The following NAALADL2 variants were observed in gnomAD, a reference collection of about 807,000 sequenced individuals.
NAALADL2 encodes the protein N-acetylated alpha-linked acidic dipeptidase like 2, also known as inactive N-acetylated-alpha-linked acidic dipeptidase-like protein 2.
NAALADL2 carries 76 observed loss-of-function variants against 87.2 expected under a neutral mutation model. The ratio of observed to expected loss-of-function variants is 0.87; its 90% CI spans 0.72 to 1.05. The LOEUF is 1.05. Among genes scored for constraint, NAALADL2 ranks in the 50% least tolerant of loss-of-function variants. The probability of loss-of-function intolerance (pLI) is 0.00; values close to 1 mark genes in which losing one functional copy is unlikely to be tolerated. For synonymous variants in NAALADL2, 354 were observed against 331.0 expected (o/e 1.07, Z -0.75); for missense variants, 1,089 against 945.8 (o/e 1.15, Z -1.99).
chr3:175,311,037 A>G (rs938646983), intron 4 of NAALADL2, among the ~76,000 whole-genome samples: 19 of 152,182 alleles, frequency 1.2e-4, no homozygotes, highest in African/African-American at 4.6e-4. Flanking sequence ...ATCACCTTAG[A>G]AAACTTATTA....
chr3:175,026,515 C>T (rs1477930943), intron 1 of NAALADL2, among the ~76,000 whole-genome samples: 3 of 147,978 alleles, frequency 2.0e-5, no homozygotes, highest in East Asian at 2.0e-4. Flanking sequence ...ATTAGCCATA[C>T]GTGGTGGCGC....
chr3:175,094,670 A>G (rs1277350260), intron 1 of NAALADL2, among the ~76,000 whole-genome samples: 1 of 151,802 alleles, frequency 6.6e-6, no homozygotes, highest in Non-Finnish European at 1.5e-5. Context: ...ATGTAGAGCC[A>G]TGAGAATATT....
intron 2 of NAALADL2, among the ~76,000 whole-genome samples, chr3:174,630,146 A>C (rs1490476486): frequency 2.0e-5 from 3 of 152,102 alleles, no homozygotes; most frequent in Non-Finnish European, 4.4e-5. Flanking sequence ...AAATATAATA[A>C]TTTTTCATTT....
Position 174,972,668 on chromosome 3 carries a change from T to TTCAA in NAALADL2, c.43+113221_43+113224dup, listed in dbSNP as rs201280057. ...CATGTAAATTTCGATGGGGACCTAG[T>TTCAA]TCAATCTATAACAAAGGGTTTTGGT... On this transcript the variant is annotated intron_variant, in intron 1 of 13. Transcript: ENST00000454872. 2.0e-4 allele frequency among the ~76,000 whole-genome samples: 31 copies of TTCAA among 152,206 alleles called. No individual in the cohort carries two copies. In the East Asian group the frequency reaches 4.6e-3, roughly 23 times the overall value.
intron 2 of NAALADL2, among the ~76,000 whole-genome samples, chr3:175,111,539 C>A (rs967962609): frequency 1.3e-5 from 2 of 151,668 alleles, no homozygotes; most frequent in Non-Finnish European, 3.0e-5. Flanking sequence ...AACTTACGAT[C>A]TTTTTCAGAT....
rs766563353 is a variant in NAALADL2, at chr3:175,096,861, G to C, written c.115G>C (p.Asp39His). 21 of 1,612,220 alleles carry C rather than the reference G, an allele frequency of 1.3e-5. No homozygotes were observed. Among genetic ancestry groups the C allele is most frequent in the Non-Finnish European group, 1.7e-5 (20 of 1,179,174 alleles). The change falls in exon 2 of 14, where the codon GAT becomes CAT. Residue 39 changes from aspartate to histidine, a missense_variant. Asp to His is a moderately conservative substitution (Grantham distance 81, BLOSUM62 -1). Coordinates refer to ENST00000454872, the MANE Select transcript of NAALADL2 (RefSeq NM_207015.3). ...APGHSQYLDN[D>H]DLQATALDLE... ...AGGACACTCACAGTACTTAGACAAT[G>C]ATGACCTTCAAGCCACTGCCCTTGA...
intron 9 of NAALADL2, among the ~76,000 whole-genome samples, chr3:175,564,544 CTAAGAGAAGCTATT>C (rs1219843653): frequency 6.6e-6 from 1 of 151,974 alleles, no homozygotes; most frequent in African/African-American, 2.4e-5. Context: ...GCCTGTGAGC[CTAAGAGAAGCTATT>C]TAAGATAAAC....
intron 1 of NAALADL2, among the ~76,000 whole-genome samples, chr3:175,008,689 T>C (rs973383020): frequency 1.3e-5 from 2 of 152,164 alleles, no homozygotes; most frequent in Non-Finnish European, 2.9e-5. Context: ...TTGACCTTCA[T>C]GTTCTAGGCT....
At chr3:174,950,451 T>C (rs1740173692) in intron 1 of NAALADL2, among the ~76,000 whole-genome samples, 1 of 152,138 alleles carries the variant, frequency 6.6e-6, no homozygotes, top group Non-Finnish European at 1.5e-5. Flanking sequence ...TATACATGAT[T>C]CTATTCATCA....
intron 5 of NAALADL2, among the ~76,000 whole-genome samples, chr3:175,399,211 A>T (rs1770235796): frequency 6.6e-6 from 1 of 152,082 alleles, no homozygotes; most frequent in Admixed American, 6.6e-5. Context: ...AATATTACTG[A>T]CTTTAAAGCA....
At chr3:174,448,170 A>G (rs1715198502) in intron 1 of NAALADL2, among the ~76,000 whole-genome samples, 1 of 152,202 alleles carries the variant, frequency 6.6e-6, no homozygotes, top group African/African-American at 2.4e-5. Flanking sequence ...ATTTGCCAGA[A>G]TGGTATGAAA....
intron 13 of NAALADL2, among the ~76,000 whole-genome samples, chr3:175,760,174 T>G (rs1747816869): frequency 2.0e-5 from 3 of 152,142 alleles, no homozygotes; most frequent in Admixed American, 6.5e-5. Context: ...TTGCAGGTTG[T>G]TTTTAGAATT....
At chr3:175,672,310 A>G (rs1396832587) in intron 11 of NAALADL2, among the ~76,000 whole-genome samples, 6 of 152,160 alleles carry the variant, frequency 3.9e-5, no homozygotes, top group Admixed American at 1.3e-4. Flanking sequence ...AGCAGTGAGC[A>G]TAAATACCGA....
In NAALADL2 at chr3:175,546,208, T is replaced by A. The variant is rs556566915; in HGVS notation, c.1654-29833T>A. On this transcript the variant is annotated intron_variant, in intron 9 of 13. Transcript: ENST00000454872. ...TCTGTTTTGTCAGAAACTAGGATTT[T>A]AACCCCTGCTTTTTTCTGTTTTCCA... Among the ~76,000 whole-genome samples the A allele has an allele frequency of 6.6e-5, 10 of 152,148 alleles. No individual in the cohort carries two copies. The South Asian group carries it at 1.5e-3, about 22-fold the overall frequency.
At position 174,930,614 on chromosome 3, in the gene NAALADL2, CTT is replaced by C. The variant is rs760690405; in HGVS notation, c.43+71188_43+71189del. Among the ~76,000 whole-genome samples the C allele has an allele frequency of 9.4e-4, 63 of 66,802 alleles. 1 individual carries two copies. The highest frequency in any genetic ancestry group is 2.3e-3 in the East Asian group (4 of 1,716). The allele number at this position is 66,802 out of a possible 152,430, so 43.8% of individuals were successfully genotyped here. ...TTGCAAGTCCTTTAAATAAGATGAA[CTT>C]TTTTTTTTTTTTTTTTTTTTTTTGA... is the stretch of plus-strand genomic sequence containing the variant. On this transcript the variant is annotated intron_variant, in intron 1 of 13. Transcript: ENST00000454872.
intron 2 of NAALADL2, among the ~76,000 whole-genome samples, chr3:175,119,451 A>G (rs1725781098): frequency 6.6e-6 from 1 of 151,504 alleles, no homozygotes; most frequent in Admixed American, 6.6e-5. Context: ...CTTTAGTTCT[A>G]CATGGCAGGA....
At chr3:175,228,806 G>A (rs537412709) in intron 2 of NAALADL2, among the ~76,000 whole-genome samples, 15 of 151,882 alleles carry the variant, frequency 9.9e-5, no homozygotes, top group African/African-American at 3.6e-4. Flanking sequence ...TGTGAGATTT[G>A]TATATTACAA....
At chr3:174,794,631 C>A (rs1265859782) in intron 3 of NAALADL2, among the ~76,000 whole-genome samples, 1 of 152,134 alleles carries the variant, frequency 6.6e-6, no homozygotes, top group Admixed American at 6.6e-5. Flanking sequence ...ATGTTAGACA[C>A]TACGGCTCTT....
chr3:175,358,455 C>T (rs1275064956), intron 5 of NAALADL2, among the ~76,000 whole-genome samples: 2 of 150,646 alleles, frequency 1.3e-5, no homozygotes, highest in East Asian at 3.9e-4. Flanking sequence ...CTAAAATGCT[C>T]TAAGAAAGCT....
Sources: allele counts gnomAD v4.1 joint callset (sites outside exome capture counted in the v4.1 genomes callset), GRCh38; gene constraint gnomAD v4.1.1; transcripts MANE v1.5; gene names NCBI Gene and HGNC (gene_info 2026-07-23, HGNC 2026-07-21).